Variants in FAM135B observed in about 807,000 individuals in gnomAD.
FAM135B encodes protein FAM135B.
In FAM135B, 43 loss-of-function variants were observed where a neutral mutation model predicts 127.7. The observed-to-expected ratio is 0.34, with a 90% CI of 0.26 to 0.43. The LOEUF (loss-of-function observed/expected upper bound fraction) is 0.43, where lower values mean the gene tolerates loss of function less well. FAM135B is among the 20% of genes least tolerant of loss of function. The pLI is 1.00. For missense variants in FAM135B, 1,558 were observed against 1,725.6 expected (o/e 0.90, Z 1.72); for synonymous variants, 670 against 665.1 (o/e 1.01, Z -0.11).
At chr8:138,230,670 A>ATTATTC (rs1205313750) in intron 7 of FAM135B, among the ~76,000 whole-genome samples, 2 of 152,090 alleles carry the variant, frequency 1.3e-5, no homozygotes, top group East Asian at 1.9e-4. Context: ...ACTGTTCACC[A>ATTATTC]TTATTCTTAT....
intron 2 of FAM135B, among the ~76,000 whole-genome samples, chr8:138,356,069 A>T (rs1040738949): frequency 9.9e-5 from 15 of 152,226 alleles, no homozygotes; most frequent in African/African-American, 3.4e-4. Context: ...CCCTTCTATC[A>T]TGTAAGGACA....
At chr8:138,344,519 G>A (rs1241859815) in intron 2 of FAM135B, among the ~76,000 whole-genome samples, 1 of 151,284 alleles carries the variant, frequency 6.6e-6, no homozygotes, top group East Asian at 1.9e-4. Flanking sequence ...CGTCCTCAAA[G>A]ACGCTTTTCC....
At chr8:138,408,608 C>T (rs2131394437) in intron 1 of FAM135B, among the ~76,000 whole-genome samples, 1 of 152,302 alleles carries the variant, frequency 6.6e-6, no homozygotes, top group South Asian at 2.1e-4. Flanking sequence ...GTTTAATTGA[C>T]TCACAGTCTT....
intron 2 of FAM135B, among the ~76,000 whole-genome samples, chr8:138,356,550 T>C (rs1192723591): frequency 6.6e-6 from 1 of 152,158 alleles, no homozygotes; most frequent in Non-Finnish European, 1.5e-5. Context: ...TCCATTGGGT[T>C]GAGACATAAA....
chr8:138,244,341 C>CA (rs1821118955), intron 6 of FAM135B, among the ~76,000 whole-genome samples: 1 of 152,052 alleles, frequency 6.6e-6, no homozygotes, highest in African/African-American at 2.4e-5. Flanking sequence ...AGAGTATGGT[C>CA]AAGCAGTGAG....
At chr8:138,302,444 A>G (rs1263804432) in intron 3 of FAM135B, among the ~76,000 whole-genome samples, 1 of 152,148 alleles carries the variant, frequency 6.6e-6, no homozygotes, top group Non-Finnish European at 1.5e-5. Flanking sequence ...TGTTAATGCC[A>G]CTGCCTGAGC....
At chr8:138,232,291 A>G (rs1819962711) in intron 7 of FAM135B, among the ~76,000 whole-genome samples, 1 of 152,222 alleles carries the variant, frequency 6.6e-6, no homozygotes, top group Non-Finnish European at 1.5e-5. Flanking sequence ...CCAGTGCCTC[A>G]TTGTCACCAT....
intron 2 of FAM135B, among the ~76,000 whole-genome samples, chr8:138,318,901 T>C (rs529716056): frequency 1.2e-4 from 18 of 152,300 alleles, no homozygotes; most frequent in Non-Finnish European, 1.8e-4. Context: ...TTTTATCTCA[T>C]GGGAAATTTC....
intron 12 of FAM135B, among the ~76,000 whole-genome samples, chr8:138,165,306 G>A (rs1819805222): frequency 6.6e-6 from 1 of 151,952 alleles, no homozygotes; most frequent in African/African-American, 2.4e-5. Flanking sequence ...TTTTAGAAGA[G>A]ATGGGGTGTC....
rs560302308 is a variant in FAM135B, at chr8:138,379,286, T to C, written c.-19-11284A>G. 4.7e-4 allele frequency among the ~76,000 whole-genome samples: 72 copies of C among 152,294 alleles called. 1 individual carries two copies. The highest frequency in any genetic ancestry group is 1.7e-3 in the African/African-American group (70 of 41,558). Reference sequence around the variant, plus strand: ...TTTACGGGTTACCCTAATCGAATTTTAGTGCTCCCATTTTCCACATCTGTA... The same window carrying C: ...TTTACGGGTTACCCTAATCGAATTTCAGTGCTCCCATTTTCCACATCTGTA... On this transcript the variant is annotated intron_variant, in intron 1 of 19. Coordinates refer to ENST00000395297, the MANE Select transcript of FAM135B (RefSeq NM_015912.4).
chr8:138,389,179 T>C (rs1183272269), intron 1 of FAM135B, among the ~76,000 whole-genome samples: 1 of 152,166 alleles, frequency 6.6e-6, no homozygotes, highest in Non-Finnish European at 1.5e-5. Context: ...GTAAAGACAT[T>C]GGAGCCCTTA....
In FAM135B at chr8:138,395,767, T is replaced by C. The variant is rs183677239; in HGVS notation, c.-19-27765A>G. Among the ~76,000 whole-genome samples, 182 of 152,356 alleles carry C rather than the reference T, an allele frequency of 1.2e-3. 5 individuals are homozygous for C. The East Asian group carries it at 0.03, about 25-fold the overall frequency. ...TCTTAAAGACCTTAGTTTTGACAAC[T>C]TCTCCACTACTTAACAAAGGTAGGA... On this transcript the variant is annotated intron_variant, in intron 1 of 19. Coordinates refer to ENST00000395297, the MANE Select transcript of FAM135B (RefSeq NM_015912.4).
intron 17 of FAM135B, among the ~76,000 whole-genome samples, chr8:138,139,757 ACT>A (rs1235269964): frequency 6.6e-6 from 1 of 152,086 alleles, no homozygotes; most frequent in Non-Finnish European, 1.5e-5. Context: ...CAAAAGCAAG[ACT>A]CTCTCTCAAA....
Position 138,329,744 on chromosome 8 carries a change from A to G in FAM135B, c.78-18824T>C, listed in dbSNP as rs953508260. ...GAGGGTTCACGAAGCAGTAGGTGGG[A>G]GAACTCAGTCCCACATCTGGTAAGC... On this transcript the variant is annotated intron_variant, in intron 2 of 19. Coordinates refer to ENST00000395297, the MANE Select transcript of FAM135B (RefSeq NM_015912.4). Among the ~76,000 whole-genome samples the G allele has an allele frequency of 2.6e-5, 4 of 152,156 alleles. No individual in the cohort carries two copies. The East Asian group carries it at 5.8e-4, about 22-fold the overall frequency.
At chr8:138,435,041 C>A (rs1323498061) in intron 1 of FAM135B, among the ~76,000 whole-genome samples, 1 of 152,168 alleles carries the variant, frequency 6.6e-6, no homozygotes, top group African/African-American at 2.4e-5. Context: ...GGCGCGGTGG[C>A]TCGCGCCTGT....
At chr8:138,145,200 G>A (rs1174760765) in intron 15 of FAM135B, among the ~76,000 whole-genome samples, 1 of 152,054 alleles carries the variant, frequency 6.6e-6, no homozygotes, top group Admixed American at 6.6e-5. Context: ...ATTTTTTGGA[G>A]AGAAAGGGTC....
chr8:138,277,776 A>ATTTAC (rs1362338067), intron 3 of FAM135B, among the ~76,000 whole-genome samples: 12 of 152,252 alleles, frequency 7.9e-5, no homozygotes, highest in African/African-American at 2.9e-4. Flanking sequence ...TCTGGATCAT[A>ATTTAC]TGCATTTACT....
intron 2 of FAM135B, among the ~76,000 whole-genome samples, chr8:138,361,961 T>C (rs2131181113): frequency 6.6e-6 from 1 of 152,302 alleles, no homozygotes; most frequent in East Asian, 1.9e-4. Flanking sequence ...ATTTTCTTTT[T>C]TTCCTGATTT....
At chr8:138,347,998 CTAT>C (rs1183626171) in intron 2 of FAM135B, among the ~76,000 whole-genome samples, 1 of 152,064 alleles carries the variant, frequency 6.6e-6, no homozygotes, top group African/African-American at 2.4e-5. Flanking sequence ...GCTAATTCTA[CTAT>C]GACTATTTTT....
Sources: gnomAD v4.1 joint callset for allele counts (sites outside exome capture counted in the v4.1 genomes callset) on GRCh38, gnomAD v4.1.1 for gene constraint, MANE v1.5 for transcripts, NCBI Gene and HGNC (gene_info 2026-07-23, HGNC 2026-07-21) for gene names.